AGPS: variants seen among roughly 807,000 people sequenced by gnomAD.
AGPS encodes the protein alkylglycerone phosphate synthase, also known as alkyldihydroxyacetonephosphate synthase, peroxisomal.
AGPS carries 26 observed loss-of-function variants against 90.7 expected under a neutral mutation model. That is an observed-to-expected ratio of 0.29 (90% CI 0.21 to 0.40). The LOEUF (loss-of-function observed/expected upper bound fraction) is 0.40. Ranked by LOEUF, AGPS falls within the 10% of genes least tolerant of loss-of-function variation. The pLI is 1.00. For missense variants in AGPS, 540 were observed against 816.1 expected, an observed-to-expected ratio of 0.66 and a Z score of 4.12; for synonymous variants, 294 against 285.3, an observed-to-expected ratio of 1.03 and a Z score of -0.31.
At chr2:177,508,070 CGATATGA>C in intron 16 of AGPS, 39 bp downstream of exon 16, 13 of 1,405,060 alleles carry the variant, frequency 9.3e-6, no homozygotes, top group Non-Finnish European at 1.3e-5. Context: ...TTCAAATATG[CGATATGA>C]ATTGCTTGAA....
chr2:177,404,881 A>G (rs1326203151), intron 1 of AGPS, among the ~76,000 whole-genome samples: 1 of 152,168 alleles, frequency 6.6e-6, no homozygotes, highest in East Asian at 1.9e-4. Context: ...CTGCACTCAG[A>G]TTTTATACAA....
At chr2:177,515,191 CT>C (rs1394840288) in intron 17 of AGPS, among the ~76,000 whole-genome samples, 2 of 151,514 alleles carry the variant, frequency 1.3e-5, no homozygotes, top group Non-Finnish European at 2.9e-5. Flanking sequence ...AACAATGCAC[CT>C]TTTATCTTAA....
At chr2:177,480,747 T>A (rs1574403264) in intron 10 of AGPS, among the ~76,000 whole-genome samples, 4 of 151,584 alleles carry the variant, frequency 2.6e-5, no homozygotes, top group Admixed American at 6.6e-5. Context: ...ATATATAAAT[T>A]TAAAAATTTA....
intron 1 of AGPS, among the ~76,000 whole-genome samples, chr2:177,418,341 C>T (rs1308631310): frequency 6.6e-6 from 1 of 152,030 alleles, no homozygotes; most frequent in Non-Finnish European, 1.5e-5. Flanking sequence ...ACCCATGTGA[C>T]CAAGTTTAGC....
At chr2:177,470,710 CAA>C (rs369412625) in intron 10 of AGPS, among the ~76,000 whole-genome samples, 6 of 108,646 alleles carry the variant, frequency 5.5e-5, no homozygotes, top group Non-Finnish European at 5.3e-5. Flanking sequence ...GACTTTGTCT[CAA>C]AAAAAAAAAA....
At chr2:177,519,860 T>A (rs1313956650) in intron 17 of AGPS, among the ~76,000 whole-genome samples, 1 of 152,172 alleles carries the variant, frequency 6.6e-6, no homozygotes, top group Non-Finnish European at 1.5e-5. Flanking sequence ...AGTAAAGGAA[T>A]AAAAGAATGA....
Position 177,541,927 on chromosome 2 carries a change from C to T in AGPS, c.*3732C>T, listed in dbSNP as rs571343142. On this transcript the variant is annotated 3_prime_UTR_variant, in exon 20 of 20. Transcript: ENST00000264167. ...TAAAGGATGTAAGTTACTCAGCTTT[C>T]TGCTCCCTAAGCCAAACAGTGTTTG... is the stretch of plus-strand genomic sequence containing the variant. 3.9e-5 allele frequency: 6 copies of T among 152,314 alleles called. No individual in the cohort carries two copies. The highest frequency in any genetic ancestry group is 1.4e-4 in the African/African-American group (6 of 41,584). The allele number at this position is 152,314 out of a possible 1,614,324, so 9.4% of individuals were successfully genotyped here. A position where few individuals can be genotyped will look rare whatever the true frequency, so the allele number is the denominator to read the frequency against.
At chr2:177,526,557 C>G (rs1215353875) in intron 19 of AGPS, among the ~76,000 whole-genome samples, 4 of 152,156 alleles carry the variant, frequency 2.6e-5, no homozygotes, top group Non-Finnish European at 5.9e-5. Context: ...AATCTGTTTT[C>G]CATATTATAA....
intron 8 of AGPS, among the ~76,000 whole-genome samples, chr2:177,453,452 G>A (rs747477851): frequency 1.1e-4 from 17 of 151,640 alleles, no homozygotes; most frequent in Non-Finnish European, 2.1e-4. Flanking sequence ...TATATTTTTA[G>A]TAGAGATGGG....
At chr2:177,446,928 C>A (rs1686793055) in intron 8 of AGPS, among the ~76,000 whole-genome samples, 1 of 152,018 alleles carries the variant, frequency 6.6e-6, no homozygotes, top group African/African-American at 2.4e-5. Context: ...TTTTGGGATC[C>A]TAATGAATTT....
chr2:177,526,839 G>A (rs1352144222), intron 19 of AGPS, among the ~76,000 whole-genome samples: 1 of 152,214 alleles, frequency 6.6e-6, no homozygotes, highest in Non-Finnish European at 1.5e-5. Context: ...CATTTATAAA[G>A]CTGTGAATAT....
chr2:177,444,491 T>C (rs1686710496), intron 7 of AGPS, among the ~76,000 whole-genome samples: 1 of 151,972 alleles, frequency 6.6e-6, no homozygotes, highest in African/African-American at 2.4e-5. Flanking sequence ...TTATGAGTTT[T>C]ATGTAACATA....
chr2:177,425,918 G>C (rs1329916024), intron 2 of AGPS, among the ~76,000 whole-genome samples: 2 of 151,962 alleles, frequency 1.3e-5, no homozygotes, highest in Non-Finnish European at 2.9e-5. Context: ...GTTTTTTCTA[G>C]TTCTGTGAAG....
intron 2 of AGPS, among the ~76,000 whole-genome samples, chr2:177,431,611 C>A (rs1307166587): frequency 6.6e-6 from 1 of 152,114 alleles, no homozygotes; most frequent in Non-Finnish European, 1.5e-5. Context: ...TGCATTCCCT[C>A]CCCAGGGTAT....
intron 15 of AGPS, 133 bp downstream of exon 15, chr2:177,505,708 A>G: frequency 1.3e-6 from 1 of 770,964 alleles, no homozygotes; most frequent in African/African-American, 1.7e-5. Context: ...ATCATTTTAC[A>G]TGAACCTTAT....
chr2:177,512,515 T>C (rs915083035), intron 16 of AGPS, among the ~76,000 whole-genome samples: 1 of 152,194 alleles, frequency 6.6e-6, no homozygotes, highest in African/African-American at 2.4e-5. Context: ...TGGATAACTT[T>C]TATAAAGTAT....
At chr2:177,457,861 A>G (rs1433944328) in intron 8 of AGPS, among the ~76,000 whole-genome samples, 1 of 152,204 alleles carries the variant, frequency 6.6e-6, no homozygotes, top group Non-Finnish European at 1.5e-5. Flanking sequence ...CTGATATCAA[A>G]ACCTGGCAGA....
At position 177,486,966 on chromosome 2, in the gene AGPS, G is replaced by A. The variant is rs546412182; in HGVS notation, c.1233+4780G>A. ...ATCTCCTCCTTTATTCAGTAGATGG[G>A]TAAATGATTTTTAAGACGTTCTCAG... On this transcript the variant is annotated intron_variant, in intron 11 of 19. Transcript: ENST00000264167. Among the ~76,000 whole-genome samples, 9 of 151,966 alleles carry A rather than the reference G, an allele frequency of 5.9e-5. No homozygotes were observed. In the South Asian group the frequency reaches 1.7e-3, roughly 28 times the overall value.
intron 9 of AGPS, 113 bp from the exon 10 acceptor site, chr2:177,468,303 C>T (rs530820908): frequency 3.4e-6 from 2 of 595,106 alleles, no homozygotes; most frequent in Admixed American, 2.9e-5. Context: ...CAATTTATTA[C>T]TTAACCCAAT....
Sources: gnomAD v4.1 joint callset for allele counts (sites outside exome capture counted in the v4.1 genomes callset) on GRCh38, gnomAD v4.1.1 for gene constraint, MANE v1.5 for transcripts, NCBI Gene and HGNC (gene_info 2026-07-23, HGNC 2026-07-21) for gene names.